SDK2: variants seen among roughly 807,000 people sequenced by gnomAD.
The protein encoded by SDK2 is protein sidekick-2.
Under a neutral mutation model 253.9 loss-of-function variants are expected in SDK2, and 105 were observed. That is an observed-to-expected ratio of 0.41 (90% CI 0.35 to 0.49). The LOEUF is 0.49. SDK2 is among the 20% of genes least tolerant of loss of function. The pLI, the probability that SDK2 is intolerant of heterozygous loss-of-function variation, is 0.06. For synonymous variants in SDK2, 1,249 were observed against 1,234.9 expected (o/e 1.01, Z -0.24); for missense variants, 2,608 against 3,003.0 (o/e 0.87, Z 3.07).
At chr17:73,466,867 T>C (rs1168441427) in intron 3 of SDK2, among the ~76,000 whole-genome samples, 2 of 152,052 alleles carry the variant, frequency 1.3e-5, no homozygotes, top group Non-Finnish European at 2.9e-5. Flanking sequence ...ATTTTACAGA[T>C]GGGAAAACTG....
rs192361246 is a variant in SDK2, at chr17:73,373,021, C to T, written c.4981-4428G>A. On this transcript the variant is annotated intron_variant, in intron 36 of 44. Transcript: ENST00000392650. ...AACGCTGTATCCTGGGACCTTCTCCCTATTTCCCTCACTCCCTCAGCCTCT... is the reference window on the plus strand; with the variant it reads ...AACGCTGTATCCTGGGACCTTCTCCTTATTTCCCTCACTCCCTCAGCCTCT... Among the ~76,000 whole-genome samples the T allele has an allele frequency of 2.0e-3, 298 of 152,294 alleles. 4 individuals are homozygous for T. Among genetic ancestry groups the T allele is most frequent in the Non-Finnish European group, 1.9e-4 (13 of 68,030 alleles).
chr17:73,449,837 C>T (rs200564371), intron 4 of SDK2, among the ~76,000 whole-genome samples: 8 of 151,956 alleles, frequency 5.3e-5, no homozygotes, highest in Admixed American at 2.0e-4. Context: ...GCAGGAAAAT[C>T]GCTTGAACCT....
chr17:73,571,997 C>T (rs1425407006), intron 1 of SDK2, among the ~76,000 whole-genome samples: 2 of 152,188 alleles, frequency 1.3e-5, no homozygotes, highest in Non-Finnish European at 2.9e-5. Context: ...GCATGCCGGG[C>T]CAGGCGGGTG....
chr17:73,508,250 C>T (rs574284219), intron 1 of SDK2, among the ~76,000 whole-genome samples: 8 of 152,396 alleles, frequency 5.2e-5, no homozygotes, highest in Admixed American at 4.6e-4. Flanking sequence ...CCCCTCTCTG[C>T]AGTCACCCTT....
intron 24 of SDK2, among the ~76,000 whole-genome samples, chr17:73,397,120 G>A (rs926062425): frequency 6.6e-6 from 1 of 152,222 alleles, no homozygotes; most frequent in African/African-American, 2.4e-5. Flanking sequence ...AGATGGGCCT[G>A]GGGAAGCAGG....
intron 4 of SDK2, among the ~76,000 whole-genome samples, chr17:73,448,161 C>A (rs2063466925): frequency 6.6e-6 from 1 of 152,136 alleles, no homozygotes; most frequent in African/African-American, 2.4e-5. Flanking sequence ...ATGTTCTCAG[C>A]ATGGATTAGT....
chr17:73,391,724 A>G (rs567701708), intron 27 of SDK2, among the ~76,000 whole-genome samples, 186 bp from the exon 28 acceptor site: 1 of 152,332 alleles, frequency 6.6e-6, no homozygotes, highest in African/African-American at 2.4e-5. Context: ...CGTGGAACCA[A>G]GGGGGCTTTC....
chr17:73,490,286 G>A (rs2063796832), intron 2 of SDK2, among the ~76,000 whole-genome samples: 1 of 152,200 alleles, frequency 6.6e-6, no homozygotes, highest in South Asian at 2.1e-4. Flanking sequence ...TTGCAGGGCT[G>A]GAGGGCACCC....
chr17:73,622,406 A>AACT (rs1400057154), intron 1 of SDK2, among the ~76,000 whole-genome samples: 2 of 152,150 alleles, frequency 1.3e-5, no homozygotes, highest in Non-Finnish European at 1.5e-5. Flanking sequence ...GTCCCTCCTG[A>AACT]ACTACAGTAT....
chr17:73,354,076 C>T (rs1029913941), intron 40 of SDK2, among the ~76,000 whole-genome samples: 3 of 152,116 alleles, frequency 2.0e-5, no homozygotes, highest in Non-Finnish European at 4.4e-5. Flanking sequence ...GGGTCTCGCT[C>T]GGTTGCCAAG....
chr17:73,478,890 T>G lies in SDK2; in HGVS notation c.225-6672A>C, dbSNP rs538622705. On this transcript the variant is annotated intron_variant, in intron 2 of 44. Coordinates refer to ENST00000392650, the MANE Select transcript of SDK2 (RefSeq NM_001144952.2). ...CGCCTGGAGATGCACGCGGTGATGC[T>G]CCCATGGAGGAAGGAGGTGTGTGTG... Among the ~76,000 whole-genome samples, 204 of 152,322 alleles carry G rather than the reference T, an allele frequency of 1.3e-3. 4 individuals are homozygous for G. The South Asian group carries it at 0.026, about 19-fold the overall frequency.
At position 73,426,208 on chromosome 17, in the gene SDK2, CTTTTT is replaced by C. The variant is rs751417057; in HGVS notation, c.1584-2121_1584-2117del. Among the ~76,000 whole-genome samples, 322 of 29,160 alleles carry C rather than the reference CTTTTT, an allele frequency of 0.011. 9 individuals carry two copies. In the East Asian group the frequency reaches 0.18, roughly 16 times the overall value. The allele number at this position is 29,160 out of a possible 152,430, so 19.1% of individuals were successfully genotyped here. On this transcript the variant is annotated intron_variant, in intron 12 of 44. Coordinates refer to ENST00000392650, the MANE Select transcript of SDK2 (RefSeq NM_001144952.2). ...TACAGGCCTGCACCACCATGCTGGG[CTTTTT>C]TTTTTTTTTTTTTTTTTTTTTTTCT...
chr17:73,395,276 C>T lies in SDK2; in HGVS notation c.3471G>A (p.Glu1157=), dbSNP rs1396495609. The change falls in exon 25 of 45, where the codon GAG becomes GAA. Residue 1157 remains glutamate, a synonymous_variant. Transcript: ENST00000392650. The surrounding 1 kb of genome is among the most constrained non-coding windows in gnomAD (Gnocchi z 4.3). Reference sequence around the variant, plus strand: ...CCAGGTCCTCGATGGTGTAGTCCCGCTCCACACGGTCCTGCACCACGTGGC... The same window carrying T: ...CCAGGTCCTCGATGGTGTAGTCCCGTTCCACACGGTCCTGCACCACGTGGC... ...TLSHVVQDRV[E]RDYTIEDLEE... 6.2e-7 allele frequency: 1 copy of T among 1,613,862 alleles called. No individual in the cohort carries two copies. The highest frequency in any genetic ancestry group is 1.3e-5 in the African/African-American group (1 of 74,928).
In SDK2 at chr17:73,570,526, CGGTGAT is replaced by C. The variant is rs1234136015; in HGVS notation, c.65-62935_65-62930del. 1.3e-5 allele frequency among the ~76,000 whole-genome samples: 2 copies of C among 152,118 alleles called. No homozygotes were observed. Among genetic ancestry groups the C allele is most frequent in the East Asian group, 3.9e-4 (2 of 5,174 alleles). ...CCCAGCACCCCTCTTGTGATGATGG[CGGTGAT>C]GGTGATGGTGAGGCTGATGGTGGTG... is the stretch of plus-strand genomic sequence containing the variant. On this transcript the variant is annotated intron_variant, in intron 1 of 44. Coordinates refer to ENST00000392650, the MANE Select transcript of SDK2 (RefSeq NM_001144952.2). The surrounding 1 kb of genome is among the most constrained non-coding windows in gnomAD (Gnocchi z 4.2).
rs1386443687 is a variant in SDK2, at chr17:73,644,210, G to A, written c.-122C>T. 3.8e-6 allele frequency: 3 copies of A among 785,956 alleles called. No homozygotes were observed. Among genetic ancestry groups the A allele is most frequent in the African/African-American group, 1.7e-5 (1 of 58,232 alleles). The allele number at this position is 785,956 out of a possible 1,614,324, so 48.7% of individuals were successfully genotyped here. On this transcript the variant is annotated 5_prime_UTR_variant, in exon 1 of 45. Transcript: ENST00000392650. This position sits in a 1 kb window ranked among gnomAD's most constrained non-coding sequence, Gnocchi z 6.3. ...AAACAGTCAGTCTACGCGGCTCCGT[G>A]CCCCGGGGTGTAATATGCCCGGGAG... is the stretch of plus-strand genomic sequence containing the variant.
chr17:73,566,915 C>T (rs546751390), intron 1 of SDK2, among the ~76,000 whole-genome samples: 237 of 150,748 alleles, frequency 1.6e-3, no homozygotes, highest in Admixed American at 4.1e-3. Flanking sequence ...AGAAAATTTC[C>T]AGCTTGGCCA....
chr17:73,354,632 C>T (rs550332339), intron 40 of SDK2, among the ~76,000 whole-genome samples: 2 of 152,274 alleles, frequency 1.3e-5, no homozygotes, highest in South Asian at 4.1e-4. Flanking sequence ...GAGGCCAGCT[C>T]GCAGGTCCTC....
Position 73,433,843 on chromosome 17 carries a change from C to A in SDK2, c.1201G>T (p.Ala401Ser). Residue 401 changes from alanine to serine, a missense_variant, in exon 10 of 45, where the codon GCC becomes TCC. This residue lies in a region of SDK2 where 1,505 missense variants were observed against 1,859.1 expected (regional missense o/e 0.81). Transcript: ENST00000392650. ...AGGGGGCCTCTGGTGATGTTAGGGG[C>A]GATGCCTGCAAACAGAGAAGTGGGG... ...TSTYLAVTSI[A>S]PNITRGPLDS... 1 of 1,541,004 alleles carries A rather than the reference C, an allele frequency of 6.5e-7. No individual in the cohort carries two copies. The highest frequency in any genetic ancestry group is 8.7e-7 in the Non-Finnish European group (1 of 1,143,814).
intron 2 of SDK2, among the ~76,000 whole-genome samples, chr17:73,472,997 T>G (rs2063663021): frequency 6.6e-6 from 1 of 152,198 alleles, no homozygotes; most frequent in African/African-American, 2.4e-5. Context: ...CCTCTTTCTT[T>G]CGTAAATTGC....
Sources: gnomAD v4.1 joint callset for allele counts (sites outside exome capture counted in the v4.1 genomes callset) on GRCh38, gnomAD v4.1.1 for gene constraint, gnomAD v4.1.1 regional missense constraint, Gnocchi (gnomAD v3.1) non-coding constraint, MANE v1.5 for transcripts, NCBI Gene and HGNC (gene_info 2026-07-23, HGNC 2026-07-21) for gene names.